TBC1D8: variants seen among roughly 807,000 people sequenced by gnomAD.
TBC1D8 encodes BUB2-like protein 1.
TBC1D8 carries 65 observed loss-of-function variants against 118.8 expected under a neutral mutation model. That is an observed-to-expected ratio of 0.55 (90% CI 0.45 to 0.67). The LOEUF is 0.67. TBC1D8 is among the 30% of genes least tolerant of loss of function. The probability of loss-of-function intolerance (pLI) is 0.00; values close to 1 mark genes in which losing one functional copy is unlikely to be tolerated. For synonymous variants in TBC1D8, 566 were observed against 595.8 expected (o/e 0.95, Z 0.73); for missense variants, 1,376 against 1,471.2 (o/e 0.94, Z 1.06).
At chr2:101,046,876 G>A (rs975668469) in intron 5 of TBC1D8, among the ~76,000 whole-genome samples, 4 of 152,050 alleles carry the variant, frequency 2.6e-5, no homozygotes, top group Admixed American at 6.6e-5. Flanking sequence ...TTACTACACC[G>A]CTTTAATTCA....
At chr2:101,063,026 C>T (rs977555385) in intron 2 of TBC1D8, among the ~76,000 whole-genome samples, 2 of 152,182 alleles carry the variant, frequency 1.3e-5, no homozygotes, top group African/African-American at 4.8e-5. Flanking sequence ...ATACTTTGTG[C>T]TTCCACTTAC....
intron 1 of TBC1D8, among the ~76,000 whole-genome samples, chr2:101,103,086 G>A (rs573933227): frequency 1.4e-4 from 22 of 152,004 alleles, no homozygotes; most frequent in Middle Eastern, 3.4e-3. Context: ...CAGACTAATA[G>A]CTCTCAAGCA....
chr2:101,046,384 A>G (rs530538942), intron 5 of TBC1D8, among the ~76,000 whole-genome samples: 1 of 152,322 alleles, frequency 6.6e-6, no homozygotes, highest in Admixed American at 6.5e-5. Context: ...GCTCAGAAAA[A>G]GGCTCATCCC....
chr2:101,105,025 CA>C (rs4069926), intron 1 of TBC1D8, among the ~76,000 whole-genome samples: 37,114 of 115,554 alleles, frequency 0.32, 4,737 homozygotes, highest in East Asian at 0.37. Flanking sequence ...AACTCTATCT[CA>C]AAAAAAAAAA....
rs557260389 is a variant in TBC1D8, at chr2:101,022,261, G to T, written c.2761+20C>A. 2.5e-6 allele frequency: 4 copies of T among 1,613,218 alleles called. No individual in the cohort carries two copies. The highest frequency in any genetic ancestry group is 2.2e-5 in the East Asian group (1 of 44,860). Reference sequence around the variant, plus strand: ...CCCACACCCCAAAGCACATCACTGCGAAATCCCACAGAGGCATACCGAGGC... The same window carrying T: ...CCCACACCCCAAAGCACATCACTGCTAAATCCCACAGAGGCATACCGAGGC... On this transcript the variant is annotated intron_variant, in intron 16 of 19. Transcript: ENST00000409318.
chr2:101,067,025 C>T (rs2121367), intron 2 of TBC1D8, among the ~76,000 whole-genome samples: 1 of 150,632 alleles, frequency 6.6e-6, no homozygotes, highest in African/African-American at 2.4e-5. Flanking sequence ...TGCATTATTA[C>T]GAATCCTCCC....
intron 17 of TBC1D8, chr2:101,019,702 C>T (rs1679908339): frequency 6.6e-6 from 1 of 152,158 alleles, no homozygotes; most frequent in African/African-American, 2.4e-5. Context: ...ACAAATGCTT[C>T]TAATAAATCA....
At chr2:101,034,793 G>A (rs535306078) in intron 9 of TBC1D8, among the ~76,000 whole-genome samples, 1 of 152,284 alleles carries the variant, frequency 6.6e-6, no homozygotes, top group South Asian at 2.1e-4. Flanking sequence ...ATGAATGTAT[G>A]TTGTCATTTT....
At chr2:101,018,095 CCAAT>C in intron 17 of TBC1D8, 1 of 622,518 alleles carries the variant, frequency 1.6e-6, no homozygotes, top group Non-Finnish European at 2.7e-6. Context: ...GATTTTGAAT[CCAAT>C]CAACACTTTT....
intron 1 of TBC1D8, among the ~76,000 whole-genome samples, chr2:101,092,788 T>C (rs1372928236): frequency 1.3e-5 from 2 of 152,196 alleles, no homozygotes; most frequent in African/African-American, 4.8e-5. Flanking sequence ...GTTTCTTTAG[T>C]GACTAATGGT....
chr2:101,015,588 AT>A (rs1475887525), intron 17 of TBC1D8, among the ~76,000 whole-genome samples: 1 of 152,244 alleles, frequency 6.6e-6, no homozygotes, highest in Non-Finnish European at 1.5e-5. Context: ...TATCAAAAAA[AT>A]CTTTTTAACT....
At chr2:101,092,491 A>G (rs1045598554) in intron 1 of TBC1D8, among the ~76,000 whole-genome samples, 11 of 152,164 alleles carry the variant, frequency 7.2e-5, no homozygotes, top group Non-Finnish European at 1.3e-4. Context: ...AAGCCATGCA[A>G]ATTTCCTGTT....
rs1680461504 is a variant in TBC1D8, at chr2:101,028,279, GCATGGGGC to G, written c.2352+16_2352+23del. ...CCGGGGGGTTAGGGGCTGCAACGGG[GCATGGGGC>G]GGGGGTTCCCGTTACCTCATAGGAA... On this transcript the variant is annotated intron_variant, in intron 13 of 19. Transcript: ENST00000409318. The G allele has an allele frequency of 6.3e-7, 1 of 1,599,762 alleles. No individual in the cohort carries two copies. The highest frequency in any genetic ancestry group is 8.5e-7 in the Non-Finnish European group (1 of 1,173,122).
chr2:101,123,552 C>G (rs1229263153), intron 1 of TBC1D8, among the ~76,000 whole-genome samples: 1 of 152,116 alleles, frequency 6.6e-6, no homozygotes, highest in Non-Finnish European at 1.5e-5. Flanking sequence ...TCTCACCTGC[C>G]CCCGTGACAA....
At chr2:101,034,280 C>G (rs541401405) in intron 9 of TBC1D8, among the ~76,000 whole-genome samples, 1 of 152,328 alleles carries the variant, frequency 6.6e-6, no homozygotes, top group South Asian at 2.1e-4. Flanking sequence ...TATTAATATG[C>G]TTTTAACACA....
intron 17 of TBC1D8, chr2:101,019,064 G>A: frequency 6.2e-7 from 1 of 1,605,536 alleles, no homozygotes; most frequent in African/African-American, 1.3e-5. Context: ...AAGTGGATGA[G>A]GCCTTGGGTC....
At chr2:101,104,223 C>T (rs1302559168) in intron 1 of TBC1D8, among the ~76,000 whole-genome samples, 1 of 147,532 alleles carries the variant, frequency 6.8e-6, no homozygotes, top group Non-Finnish European at 1.5e-5. Context: ...CAAAGGAGAT[C>T]TAAATAGATA....
intron 1 of TBC1D8, among the ~76,000 whole-genome samples, chr2:101,096,829 GGAAT>G: frequency 1.3e-5 from 2 of 148,404 alleles, no homozygotes; most frequent in African/African-American, 2.5e-5. Context: ...GACAGCACAA[GGAAT>G]AGAACATCCA....
intron 17 of TBC1D8, among the ~76,000 whole-genome samples, chr2:101,016,401 A>C (rs1236687966): frequency 1.3e-5 from 2 of 151,998 alleles, no homozygotes; most frequent in East Asian, 3.9e-4. Flanking sequence ...TTAGAATGGC[A>C]ATCATTAAAA....
Sources: gnomAD v4.1 joint callset for allele counts (sites outside exome capture counted in the v4.1 genomes callset) on GRCh38, gnomAD v4.1.1 for gene constraint, MANE v1.5 for transcripts, NCBI Gene and HGNC (gene_info 2026-07-23, HGNC 2026-07-21) for gene names.